METTL15: variants seen among roughly 807,000 people sequenced by gnomAD.
METTL15 encodes the protein 12S rRNA N(4)-cytidine methyltransferase METTL15.
METTL15 carries 34 observed loss-of-function variants against 38.3 expected under a neutral mutation model. That is an observed-to-expected ratio of 0.89 (90% confidence interval 0.68 to 1.18). The LOEUF (loss-of-function observed/expected upper bound fraction) is 1.18, where lower values mean the gene tolerates loss of function less well. Ranked by LOEUF, METTL15 falls within the 50% of genes most tolerant of loss-of-function variation. METTL15 has a pLI of 0.00. For synonymous variants in METTL15, 162 were observed against 170.9 expected (o/e 0.95, Z 0.41); for missense variants, 438 against 498.4 (o/e 0.88, Z 1.15).
chr11:28,514,640 C>G (rs1010864330), intron 6 of METTL15, among the ~76,000 whole-genome samples: 2 of 152,210 alleles, frequency 1.3e-5, no homozygotes, highest in African/African-American at 4.8e-5. Flanking sequence ...CTTATGAGTT[C>G]AGAGTGTGCC....
chr11:28,248,960 G>A (rs936815156), intron 4 of METTL15, among the ~76,000 whole-genome samples: 7 of 151,664 alleles, frequency 4.6e-5, no homozygotes, highest in Admixed American at 4.6e-4. Context: ...CCCTTTCTTT[G>A]TTATTTCTCT....
rs959238572 is a variant in METTL15 at position 28,498,282 on chromosome 11, C to A, written c.*425-28196C>A. ...CACGCCATTCTCCTACCTCAGCCTC[C>A]GGAGTAGCTGGGACTATAGGCGCCC... On this transcript the variant is annotated intron_variant and NMD_transcript_variant, in intron 6 of 7. Coordinates refer to the METTL15 transcript ENST00000532947. 2.6e-5 allele frequency among the ~76,000 whole-genome samples: 4 copies of A among 151,996 alleles called. No homozygotes were observed. In the South Asian group the frequency reaches 8.3e-4, roughly 32 times the overall value.
intron 4 of METTL15, among the ~76,000 whole-genome samples, chr11:28,280,771 T>C (rs536104357): frequency 3.6e-4 from 55 of 152,002 alleles, no homozygotes; most frequent in Admixed American, 3.4e-3. Context: ...TCTTTGGCTA[T>C]TTGTGAGCTG....
chr11:28,126,438 G>T (rs973898427), intron 3 of METTL15, among the ~76,000 whole-genome samples: 1 of 152,006 alleles, frequency 6.6e-6, no homozygotes, highest in African/African-American at 2.4e-5. Context: ...TTTTACCACT[G>T]TATCCTCAGT....
chr11:28,354,409 A>G (rs1485626919), intron 4 of METTL15, among the ~76,000 whole-genome samples: 1 of 152,200 alleles, frequency 6.6e-6, no homozygotes, highest in Non-Finnish European at 1.5e-5. Flanking sequence ...GCTAATCTAT[A>G]GAATTCTTGG....
chr11:28,396,416 G>A (rs1720853614), intron 5 of METTL15, among the ~76,000 whole-genome samples: 1 of 152,160 alleles, frequency 6.6e-6, no homozygotes, highest in Non-Finnish European at 1.5e-5. Flanking sequence ...CAAAATCAAT[G>A]TGCAAAAATC....
chr11:28,407,279 A>G (rs1208074576), intron 5 of METTL15, among the ~76,000 whole-genome samples: 2 of 152,240 alleles, frequency 1.3e-5, no homozygotes, highest in Non-Finnish European at 2.9e-5. Context: ...AAAACGTCAA[A>G]AGTATTTGCA....
At chr11:28,150,429 C>T (rs1850040163) in intron 3 of METTL15, among the ~76,000 whole-genome samples, 1 of 151,926 alleles carries the variant, frequency 6.6e-6, no homozygotes, top group Admixed American at 6.6e-5. Context: ...ACTAACACCT[C>T]TTCCTCAAAC....
intron 4 of METTL15, among the ~76,000 whole-genome samples, chr11:28,259,675 A>C (rs1277738121): frequency 6.6e-6 from 1 of 152,154 alleles, no homozygotes; most frequent in Non-Finnish European, 1.5e-5. Context: ...TAAATGCTGC[A>C]CTTTCTTTCT....
downstream of METTL15, among the ~76,000 whole-genome samples, chr11:28,527,376 A>G (rs1223012048): frequency 6.6e-6 from 1 of 152,130 alleles, no homozygotes; most frequent in Non-Finnish European, 1.5e-5. Flanking sequence ...GGCTTTTCTG[A>G]GTTTGTTAGC....
At chr11:28,117,277 A>G (rs200112432) in intron 3 of METTL15, among the ~76,000 whole-genome samples, 23,612 of 139,694 alleles carry the variant, frequency 0.17, 2,375 homozygotes, top group East Asian at 0.29. Context: ...ATATATATAT[A>G]TATATATATA....
chr11:28,353,925 C>T (rs1275868398), intron 4 of METTL15, among the ~76,000 whole-genome samples: 1 of 141,126 alleles, frequency 7.1e-6, no homozygotes. Context: ...GAGCGAGACT[C>T]CGTCTCAAAA....
chr11:28,164,280 C>A (rs1374979681), intron 3 of METTL15: 1 of 151,964 alleles, frequency 6.6e-6, no homozygotes, highest in Non-Finnish European at 1.5e-5. Context: ...TGTGATCATT[C>A]TCCTGGGATG....
chr11:28,216,706 C>A (rs1006315856), intron 4 of METTL15, among the ~76,000 whole-genome samples: 3 of 101,100 alleles, frequency 3.0e-5, no homozygotes, highest in African/African-American at 1.2e-4. Context: ...TGCTATCCCT[C>A]CCCCCTCCCC....
intron 4 of METTL15, among the ~76,000 whole-genome samples, chr11:28,285,808 T>G (rs958380223): frequency 6.6e-6 from 1 of 152,096 alleles, no homozygotes; most frequent in African/African-American, 2.4e-5. Flanking sequence ...AGAAAAACCT[T>G]CTTTCCCCAG....
chr11:28,244,717 A>G (rs776884410), intron 4 of METTL15, among the ~76,000 whole-genome samples: 1 of 152,218 alleles, frequency 6.6e-6, no homozygotes, highest in Non-Finnish European at 1.5e-5. Context: ...TACACTTTTA[A>G]TGAGAGGATT....
intron 3 of METTL15, among the ~76,000 whole-genome samples, chr11:28,207,504 G>A (rs1196934431): frequency 6.6e-6 from 1 of 152,016 alleles, no homozygotes; most frequent in Non-Finnish European, 1.5e-5. Context: ...TGCTGGATTG[G>A]GCTTGCCAGT....
intron 4 of METTL15, among the ~76,000 whole-genome samples, chr11:28,217,159 C>T (rs1289275025): frequency 6.6e-6 from 1 of 152,140 alleles, no homozygotes; most frequent in East Asian, 1.9e-4. Context: ...AACGGTTGAA[C>T]TAGTTTACAG....
chr11:28,234,025 G>A (rs907451026), intron 4 of METTL15, among the ~76,000 whole-genome samples: 8 of 144,886 alleles, frequency 5.5e-5, no homozygotes, highest in South Asian at 4.3e-4. Flanking sequence ...TCATTGTTCA[G>A]TTCCCACCTA....
Sources: gnomAD v4.1 joint callset for allele counts (sites outside exome capture counted in the v4.1 genomes callset) on GRCh38, gnomAD v4.1.1 for gene constraint, MANE v1.5 for transcripts, NCBI Gene and HGNC (gene_info 2026-07-23, HGNC 2026-07-21) for gene names.